TMEM178B: variants seen among roughly 807,000 people sequenced by gnomAD.
TMEM178B encodes transmembrane protein 178B.
Under a neutral mutation model 31.0 loss-of-function variants are expected in TMEM178B, and 5 were observed. The observed-to-expected ratio is 0.16, with a 90% CI of 0.08 to 0.34. TMEM178B has a LOEUF of 0.34. Ranked by LOEUF, TMEM178B falls within the 10% of genes least tolerant of loss-of-function variation. TMEM178B has a pLI of 1.00. For synonymous variants in TMEM178B, 164 were observed against 164.0 expected (o/e 1.00, Z 0.00); for missense variants, 275 against 400.3 (o/e 0.69, Z 2.67).
intron 2 of TMEM178B, among the ~76,000 whole-genome samples, chr7:141,384,930 T>G (rs1341562956): frequency 6.6e-6 from 1 of 152,186 alleles, no homozygotes; most frequent in African/African-American, 2.4e-5. Flanking sequence ...AAATCCATAA[T>G]GCATAATTGA....
intron 2 of TMEM178B, among the ~76,000 whole-genome samples, chr7:141,349,646 C>A (rs778445408): frequency 6.6e-6 from 1 of 152,116 alleles, no homozygotes; most frequent in Non-Finnish European, 1.5e-5. Flanking sequence ...AGAAGGCAAT[C>A]GTTTCATGGA....
rs1176102416 is a variant in TMEM178B at position 141,461,835 on chromosome 7, T to C, written c.635-8701T>C. On this transcript the variant is annotated intron_variant, in intron 3 of 3. Coordinates refer to ENST00000565468, the MANE Select transcript of TMEM178B (RefSeq NM_001195278.2). This position sits in a 1 kb window ranked among gnomAD's most constrained non-coding sequence, Gnocchi z 4.0. Reference sequence around the variant, plus strand: ...TGGCTCCGTAACTCTGCATATCAACTCAGAAATATTTTGGTCATTAACCTT... The same window carrying C: ...TGGCTCCGTAACTCTGCATATCAACCCAGAAATATTTTGGTCATTAACCTT... Among the ~76,000 whole-genome samples, 1 of 152,160 alleles carries C rather than the reference T, an allele frequency of 6.6e-6. No individual in the cohort carries two copies. Among genetic ancestry groups the C allele is most frequent in the Non-Finnish European group, 1.5e-5 (1 of 68,032 alleles).
rs548466996 is a variant in TMEM178B, at chr7:141,172,678, A to G, written c.383-39913A>G. Among the ~76,000 whole-genome samples, 32 of 152,326 alleles carry G rather than the reference A, an allele frequency of 2.1e-4. No individual in the cohort carries two copies. The South Asian group carries it at 2.5e-3, about 12-fold the overall frequency. Reference sequence around the variant, plus strand: ...TGAGGAGCAGATATAGTGGGAATGGATGAGAACAGAAATGATTGCTGGCCA... The same window carrying G: ...TGAGGAGCAGATATAGTGGGAATGGGTGAGAACAGAAATGATTGCTGGCCA... On this transcript the variant is annotated intron_variant, in intron 1 of 3. Coordinates refer to ENST00000565468, the MANE Select transcript of TMEM178B (RefSeq NM_001195278.2).
intron 2 of TMEM178B, among the ~76,000 whole-genome samples, chr7:141,328,443 A>T (rs550929098): frequency 1.8e-3 from 271 of 152,320 alleles, no homozygotes; most frequent in Non-Finnish European, 3.1e-3. Context: ...AGCCTAAAAA[A>T]GTCACTTTGA....
chr7:141,433,423 G>A (rs1801474758), intron 2 of TMEM178B, among the ~76,000 whole-genome samples: 1 of 152,146 alleles, frequency 6.6e-6, no homozygotes, highest in Admixed American at 6.5e-5. Flanking sequence ...GTCCAATTTT[G>A]ACTCTTTAGG....
chr7:141,168,164 G>A (rs562015649), intron 1 of TMEM178B, among the ~76,000 whole-genome samples: 5 of 152,250 alleles, frequency 3.3e-5, no homozygotes, highest in African/African-American at 1.2e-4. Flanking sequence ...TGGTGGAGAT[G>A]GATCACCTAC....
rs35000633 is a variant in TMEM178B, at chr7:141,289,714, C to CAAAAA, written c.496+77023_496+77027dup. ...TGGGTGACAGAGAGAGACCCTGTCT[C>CAAAAA]AAAAAAAAAAAAAAAAAGAAAAAAG... is the stretch of plus-strand genomic sequence containing the variant. On this transcript the variant is annotated intron_variant, in intron 2 of 3. Transcript: ENST00000565468. Among the ~76,000 whole-genome samples, 35 of 92,374 alleles carry CAAAAA rather than the reference C, an allele frequency of 3.8e-4. 1 individual carries two copies. The highest frequency in any genetic ancestry group is 2.1e-4 in the African/African-American group (5 of 23,286). The allele number at this position is 92,374 out of a possible 152,430, so 60.6% of individuals were successfully genotyped here. A position where few individuals can be genotyped will look rare whatever the true frequency, so the allele number is the denominator to read the frequency against.
intron 1 of TMEM178B, among the ~76,000 whole-genome samples, chr7:141,165,224 C>T (rs192713623): frequency 3.1e-4 from 47 of 152,186 alleles, no homozygotes; most frequent in East Asian, 2.1e-3. Context: ...CTGGATCCCA[C>T]GTTGCATGTA....
chr7:141,180,215 T>C (rs1796498400), intron 1 of TMEM178B, among the ~76,000 whole-genome samples: 1 of 152,044 alleles, frequency 6.6e-6, no homozygotes, highest in Non-Finnish European at 1.5e-5. Flanking sequence ...GCGTGGTGGC[T>C]CATGCCTATA....
At chr7:141,213,462 C>T (rs368581111) in intron 2 of TMEM178B, among the ~76,000 whole-genome samples, 66 of 152,326 alleles carry the variant, frequency 4.3e-4, no homozygotes, top group African/African-American at 1.5e-3. Flanking sequence ...TGACACATTC[C>T]TACTGTCAGC....
At chr7:141,191,542 A>AG (rs1796696647) in intron 1 of TMEM178B, among the ~76,000 whole-genome samples, 1 of 152,244 alleles carries the variant, frequency 6.6e-6, no homozygotes, top group Admixed American at 6.5e-5. Flanking sequence ...CCTTGGCCAG[A>AG]ATGATAGTTA....
chr7:141,244,031 G>A (rs896146714), intron 2 of TMEM178B, among the ~76,000 whole-genome samples: 11 of 152,152 alleles, frequency 7.2e-5, no homozygotes, highest in African/African-American at 1.9e-4. Context: ...TTGGGGGAGC[G>A]TTTTGTGCAG....
At chr7:141,297,910 T>G (rs1164172510) in intron 2 of TMEM178B, among the ~76,000 whole-genome samples, 2 of 152,238 alleles carry the variant, frequency 1.3e-5, no homozygotes. Flanking sequence ...TTTCTAGTTC[T>G]AGGTCCTTGA....
chr7:141,264,831 A>G (rs1176200341), intron 2 of TMEM178B, among the ~76,000 whole-genome samples: 1 of 152,214 alleles, frequency 6.6e-6, no homozygotes, highest in Non-Finnish European at 1.5e-5. Context: ...ACCAAGTTGC[A>G]TGGGAGGAAA....
At chr7:141,223,479 CTT>C (rs10680431) in intron 2 of TMEM178B, among the ~76,000 whole-genome samples, 32,584 of 130,850 alleles carry the variant, frequency 0.25, 4,298 homozygotes, top group Non-Finnish European at 0.35. Flanking sequence ...TGTTTTCACT[CTT>C]TTTTTTTTTT....
At chr7:141,426,615 A>C (rs1041575578) in intron 2 of TMEM178B, among the ~76,000 whole-genome samples, 1 of 152,194 alleles carries the variant, frequency 6.6e-6, no homozygotes, top group Non-Finnish European at 1.5e-5. Context: ...TGACTAAAGC[A>C]TGGGGGGCTT....
intron 2 of TMEM178B, among the ~76,000 whole-genome samples, chr7:141,289,150 G>A (rs1798500837): frequency 6.6e-6 from 1 of 152,124 alleles, no homozygotes; most frequent in Admixed American, 6.5e-5. Context: ...TTTGCCATAA[G>A]CTCTGGTCGC....
chr7:141,277,330 T>G (rs1336672366), intron 2 of TMEM178B, among the ~76,000 whole-genome samples: 1 of 152,182 alleles, frequency 6.6e-6, no homozygotes, highest in Non-Finnish European at 1.5e-5. Flanking sequence ...CTTTTTAAAC[T>G]TCTTTGTTAA....
chr7:141,384,564 C>T (rs1287175592), intron 2 of TMEM178B, among the ~76,000 whole-genome samples: 2 of 152,104 alleles, frequency 1.3e-5, no homozygotes, highest in Non-Finnish European at 2.9e-5. Flanking sequence ...TGTTCTGTTC[C>T]ATTGGTCTAT....
Sources: gnomAD v4.1 joint callset for allele counts (sites outside exome capture counted in the v4.1 genomes callset) on GRCh38, gnomAD v4.1.1 for gene constraint, Gnocchi (gnomAD v3.1) non-coding constraint, MANE v1.5 for transcripts, NCBI Gene and HGNC (gene_info 2026-07-23, HGNC 2026-07-21) for gene names.